Variants in TMEM87B observed in about 807,000 individuals in gnomAD.
TMEM87B encodes the protein transmembrane protein 87B.
In TMEM87B, 83 loss-of-function variants were observed where a neutral mutation model predicts 80.3. That is an observed-to-expected ratio of 1.03 (90% CI 0.87 to 1.24). The LOEUF (loss-of-function observed/expected upper bound fraction) is 1.24. Ranked by LOEUF, TMEM87B falls within the 50% of genes most tolerant of loss-of-function variation. TMEM87B has a pLI of 0.00. For missense variants in TMEM87B, 625 were observed against 674.4 expected (o/e 0.93, Z 0.81); for synonymous variants, 219 against 230.5 (o/e 0.95, Z 0.45).
intron 8 of TMEM87B, among the ~76,000 whole-genome samples, chr2:112,084,427 A>C (rs1313843394): frequency 6.6e-6 from 1 of 152,202 alleles, no homozygotes; most frequent in Non-Finnish European, 1.5e-5. Context: ...TCAACCTCTG[A>C]ATGGCAAAAA....
At chr2:112,071,579 T>C (rs1006256447) in intron 4 of TMEM87B, among the ~76,000 whole-genome samples, 1 of 152,308 alleles carries the variant, frequency 6.6e-6, no homozygotes, top group Admixed American at 6.5e-5. Flanking sequence ...AGTGCTGGGA[T>C]TACAGGAGTG....
At chr2:112,097,362 T>G in intron 13 of TMEM87B, 71 bp downstream of exon 13, 1 of 1,249,516 alleles carries the variant, frequency 8.0e-7, no homozygotes, top group Middle Eastern at 2.4e-4. Flanking sequence ...AACAATTTAG[T>G]TTATGCTTGC....
In TMEM87B at chr2:112,087,784, G is replaced by A. The variant is rs565009906; in HGVS notation, c.938+1680G>A. 4.6e-5 allele frequency among the ~76,000 whole-genome samples: 7 copies of A among 152,218 alleles called. No individual in the cohort carries two copies. The East Asian group carries it at 1.4e-3, about 29-fold the overall frequency. ...CTGTGCAGCATAACTTCTCACATGA[G>A]TAGTCTGTACCTCAGCCTCCCCAGT... On this transcript the variant is annotated intron_variant, in intron 9 of 18. Coordinates refer to ENST00000283206, the MANE Select transcript of TMEM87B (RefSeq NM_032824.3).
chr2:112,056,718 A>C (rs920134309), intron 1 of TMEM87B, among the ~76,000 whole-genome samples: 14 of 152,250 alleles, frequency 9.2e-5, no homozygotes, highest in Non-Finnish European at 1.9e-4. Flanking sequence ...AATACTTCCC[A>C]CAACACAAAA....
intron 4 of TMEM87B, 103 bp from the exon 5 acceptor site, chr2:112,074,809 T>A: frequency 7.6e-7 from 1 of 1,320,760 alleles, no homozygotes. Flanking sequence ...TTTAGCTTTT[T>A]AATTTTTCAT....
intron 8 of TMEM87B, among the ~76,000 whole-genome samples, chr2:112,083,211 A>C (rs7569965): frequency 8.0e-4 from 122 of 152,300 alleles, no homozygotes; most frequent in African/African-American, 2.5e-3. Flanking sequence ...AGATGTAGTA[A>C]ACTTAGTATA....
At chr2:112,082,953 G>T (rs1679041688) in intron 8 of TMEM87B, among the ~76,000 whole-genome samples, 2 of 152,206 alleles carry the variant, frequency 1.3e-5, no homozygotes, top group African/African-American at 4.8e-5. Flanking sequence ...GAGATACCCA[G>T]ACCGCTGTCA....
At chr2:112,074,781 G>C in intron 4 of TMEM87B, 131 bp from the exon 5 acceptor site, 1 of 1,162,082 alleles carries the variant, frequency 8.6e-7, no homozygotes, top group South Asian at 1.8e-5. Flanking sequence ...GGGATACAGT[G>C]AGATTTGTTC....
intron 1 of TMEM87B, among the ~76,000 whole-genome samples, chr2:112,056,517 A>G (rs1055889478): frequency 2.6e-5 from 4 of 152,130 alleles, no homozygotes; most frequent in Admixed American, 2.0e-4. Context: ...AGAATTATGG[A>G]AAGTCTTGCA....
At chr2:112,109,920 C>T (rs945073556) in intron 17 of TMEM87B, among the ~76,000 whole-genome samples, 50 of 152,064 alleles carry the variant, frequency 3.3e-4, no homozygotes, top group Admixed American at 1.1e-3. Flanking sequence ...GCAGGCGCCA[C>T]CACACCCAGC....
chr2:112,106,550 G>A (rs562034449), intron 16 of TMEM87B, among the ~76,000 whole-genome samples: 30 of 151,846 alleles, frequency 2.0e-4, no homozygotes, highest in Admixed American at 3.9e-4. Flanking sequence ...TTACCTACAC[G>A]GTTACCAAAA....
intron 4 of TMEM87B, among the ~76,000 whole-genome samples, chr2:112,071,518 G>T (rs1028987087): frequency 6.6e-6 from 1 of 151,860 alleles, no homozygotes; most frequent in Non-Finnish European, 1.5e-5. Flanking sequence ...TGTTGGCCAG[G>T]CTGCTCTCAA....
At chr2:112,096,944 G>A in intron 11 of TMEM87B, 100 bp from the exon 12 acceptor site, 1 of 777,054 alleles carries the variant, frequency 1.3e-6, no homozygotes, top group Non-Finnish European at 2.2e-6. Context: ...TTTAGGAACT[G>A]TATTTAGCAG....
intron 17 of TMEM87B, among the ~76,000 whole-genome samples, chr2:112,108,558 C>CT (rs964383570): frequency 2.0e-5 from 3 of 151,848 alleles, no homozygotes; most frequent in African/African-American, 7.3e-5. Context: ...CTTTGTTGAC[C>CT]TTTTTTTTCT....
chr2:112,105,853 A>G, intron 15 of TMEM87B, 149 bp from the exon 16 acceptor site: 1 of 498,876 alleles, frequency 2.0e-6, no homozygotes, highest in Non-Finnish European at 3.3e-6. Flanking sequence ...TACATTCCCA[A>G]ATGGTAAATC....
At chr2:112,069,048 C>T (rs566109105) in intron 4 of TMEM87B, among the ~76,000 whole-genome samples, 252 of 151,218 alleles carry the variant, frequency 1.7e-3, no homozygotes, top group Non-Finnish European at 3.2e-3. Context: ...AAAAATTAGC[C>T]GGGCGCGGTG....
At chr2:112,056,128 G>C (rs1021264521) in intron 1 of TMEM87B, among the ~76,000 whole-genome samples, 2 of 152,110 alleles carry the variant, frequency 1.3e-5, no homozygotes, top group Non-Finnish European at 2.9e-5. Context: ...CTTCCTGTCC[G>C]GATGCAGCCA....
At chr2:112,077,845 A>G (rs1456593877) in intron 6 of TMEM87B, among the ~76,000 whole-genome samples, 1 of 152,208 alleles carries the variant, frequency 6.6e-6, no homozygotes, top group African/African-American at 2.4e-5. Flanking sequence ...TGCAATAAGC[A>G]GTTTTCAAGA....
In TMEM87B at chr2:112,059,157, G is replaced by T. The variant is rs193208644; in HGVS notation, c.166-820G>T. Reference sequence around the variant, plus strand: ...TTGTCCTATCAGTGTTTTTTGTTTTGTTTTGTTTTGTTTTTAATGCCTAAT... The same window carrying T: ...TTGTCCTATCAGTGTTTTTTGTTTTTTTTTGTTTTGTTTTTAATGCCTAAT... On this transcript the variant is annotated intron_variant, in intron 1 of 18. Coordinates refer to ENST00000283206, the MANE Select transcript of TMEM87B (RefSeq NM_032824.3). Among the ~76,000 whole-genome samples, 473 of 152,106 alleles carry T rather than the reference G, an allele frequency of 3.1e-3. 3 individuals are homozygous for T. Among genetic ancestry groups the T allele is most frequent in the African/African-American group, 0.011 (444 of 41,496 alleles).
Sources: allele counts gnomAD v4.1 joint callset (sites outside exome capture counted in the v4.1 genomes callset), GRCh38; gene constraint gnomAD v4.1.1; transcripts MANE v1.5; gene names NCBI Gene and HGNC (gene_info 2026-07-23, HGNC 2026-07-21).